The following KCNQ1 variants were observed in gnomAD, a reference collection of about 807,000 sequenced individuals.
KCNQ1 encodes potassium voltage-gated channel subfamily Q member 1, also known as potassium voltage-gated channel subfamily KQT member 1.
KCNQ1 carries 49 observed loss-of-function variants against 72.4 expected under a neutral mutation model. The observed-to-expected ratio is 0.68, with a 90% CI of 0.54 to 0.86. KCNQ1 has a LOEUF of 0.86. Ranked by LOEUF, KCNQ1 falls within the 40% of genes least tolerant of loss-of-function variation. The probability of loss-of-function intolerance (pLI) is 0.00; values close to 1 mark genes in which losing one functional copy is unlikely to be tolerated. For synonymous variants in KCNQ1, 450 were observed against 412.6 expected, an observed-to-expected ratio of 1.09 and a Z score of -1.10; for missense variants, 790 against 945.1, an observed-to-expected ratio of 0.84 and a Z score of 2.15.
Position 2,674,657 on chromosome 11 carries a change from T to C in KCNQ1, c.1514+12576T>C. The C allele has an allele frequency of 2.5e-6, 1 of 398,530 alleles. No homozygotes were observed. The highest frequency in any genetic ancestry group is 4.4e-6 in the Non-Finnish European group (1 of 226,046). 24.7% of individuals were successfully genotyped at this position (398,530 alleles called of 1,614,324 possible). The stretch of plus-strand genomic sequence containing the variant: ...CCTTTGAATTGGAAAGCCAGAACTT[T>C]TTGCAAAATAATTTGAAAAGTTTGT... On this transcript the variant is annotated intron_variant, in intron 11 of 15. Coordinates refer to ENST00000155840, the MANE Select transcript of KCNQ1 (RefSeq NM_000218.3). The surrounding 1 kb of genome is among the most constrained non-coding windows in gnomAD (Gnocchi z 5.9).
intron 11 of KCNQ1, among the ~76,000 whole-genome samples, chr11:2,730,435 C>T (rs1339320618): frequency 6.6e-6 from 1 of 152,200 alleles, no homozygotes; most frequent in African/African-American, 2.4e-5. Flanking sequence ...GCCCCACCTC[C>T]CTTGGCTTGT....
intron 11 of KCNQ1, among the ~76,000 whole-genome samples, chr11:2,705,835 T>A (rs1850902410): frequency 6.6e-6 from 1 of 152,182 alleles, no homozygotes; most frequent in Non-Finnish European, 1.5e-5. Flanking sequence ...CCTGGATCGG[T>A]ATTTGTAGTG....
In KCNQ1 at chr11:2,675,217, A is replaced by G. The variant is rs1314538287; in HGVS notation, c.1514+13136A>G. 1.8e-5 allele frequency: 7 copies of G among 398,502 alleles called. No individual in the cohort carries two copies. The East Asian group carries it at 2.5e-4, about 14-fold the overall frequency. The allele number at this position is 398,502 out of a possible 1,614,324, so 24.7% of individuals were successfully genotyped here. On this transcript the variant is annotated intron_variant, in intron 11 of 15. Coordinates refer to ENST00000155840, the MANE Select transcript of KCNQ1 (RefSeq NM_000218.3). The stretch of plus-strand genomic sequence containing the variant: ...GTCAATATTGTGTCATTTCCCCAGA[A>G]TAGCCAGGGCCAAACCAGCTCCCAA...
rs1846870679 is a variant in KCNQ1 at position 2,493,800 on chromosome 11, CT to C, written c.387-34123del. Among the ~76,000 whole-genome samples the C allele has an allele frequency of 6.6e-6, 1 of 152,116 alleles. No individual in the cohort carries two copies. Among genetic ancestry groups the C allele is most frequent in the Admixed American group, 6.5e-5 (1 of 15,270 alleles). ...GTAGTGTGATGCCTCCAGCTTTGTT[CT>C]TTTTACTTAGGATTGTCTTGGCTAT... On this transcript the variant is annotated intron_variant, in intron 1 of 15. Coordinates refer to ENST00000155840, the MANE Select transcript of KCNQ1 (RefSeq NM_000218.3). This position sits in a 1 kb window ranked among gnomAD's most constrained non-coding sequence, Gnocchi z 5.3.
At position 2,602,862 on chromosome 11, in the gene KCNQ1, G is replaced by A. The variant is rs1003708348; in HGVS notation, c.1393+14008G>A. 2.0e-5 allele frequency among the ~76,000 whole-genome samples: 3 copies of A among 152,098 alleles called. No individual in the cohort carries two copies. The highest frequency in any genetic ancestry group is 7.2e-5 in the African/African-American group (3 of 41,420). The stretch of plus-strand genomic sequence containing the variant: ...AGGGTGCAAATATTTATTCATTGTA[G>A]CTTTCATTGTCATCATCTCAACAGG... On this transcript the variant is annotated intron_variant, in intron 10 of 15. Coordinates refer to ENST00000155840, the MANE Select transcript of KCNQ1 (RefSeq NM_000218.3). The surrounding 1 kb of genome is among the most constrained non-coding windows in gnomAD (Gnocchi z 4.8).
At position 2,494,788 on chromosome 11, in the gene KCNQ1, G is replaced by A. The variant is rs1045150597; in HGVS notation, c.387-33140G>A. ...TGCATCGGTGCTCATCAGGGATATT[G>A]GCCTGAAGTTTTCTTTTTTTGTGTG... On this transcript the variant is annotated intron_variant, in intron 1 of 15. Coordinates refer to ENST00000155840, the MANE Select transcript of KCNQ1 (RefSeq NM_000218.3). This position sits in a 1 kb window ranked among gnomAD's most constrained non-coding sequence, Gnocchi z 4.6. Among the ~76,000 whole-genome samples, 3 of 152,118 alleles carry A rather than the reference G, an allele frequency of 2.0e-5. No homozygotes were observed. Among genetic ancestry groups the A allele is most frequent in the African/African-American group, 7.2e-5 (3 of 41,410 alleles).
intron 11 of KCNQ1, chr11:2,667,330 T>C (rs1196797154): frequency 1.0e-5 from 4 of 398,490 alleles, no homozygotes; most frequent in Non-Finnish European, 1.8e-5. Flanking sequence ...AAGAAAGCAG[T>C]GAGGCTTCTC....
At chr11:2,470,424 T>C (rs1846427992) in intron 1 of KCNQ1, among the ~76,000 whole-genome samples, 1 of 152,098 alleles carries the variant, frequency 6.6e-6, no homozygotes, top group South Asian at 2.1e-4. Context: ...AAGACGTATA[T>C]TGGAGGAAAG....
chr11:2,643,685 T>C, intron 10 of KCNQ1: 1 of 398,560 alleles, frequency 2.5e-6, no homozygotes, highest in South Asian at 1.3e-4. Flanking sequence ...ATTCCTGTCA[T>C]TAATTGATTT....
rs1333072959 is a variant in KCNQ1 at position 2,464,973 on chromosome 11, G to T, written c.386+19489G>T. On this transcript the variant is annotated intron_variant, in intron 1 of 15. Transcript: ENST00000155840. The surrounding 1 kb of genome is among the most constrained non-coding windows in gnomAD (Gnocchi z 5.0). The stretch of plus-strand genomic sequence containing the variant: ...CACTGATGGGCTGGTCCAGTGCAGG[G>T]AGCTGCCCCGGCCGCCCCCGTGGGT... Among the ~76,000 whole-genome samples, 2 of 152,090 alleles carry T rather than the reference G, an allele frequency of 1.3e-5. No individual in the cohort carries two copies. Among genetic ancestry groups the T allele is most frequent in the Non-Finnish European group, 2.9e-5 (2 of 68,012 alleles).
At chr11:2,840,386 A>G (rs1848182682) in intron 15 of KCNQ1, 1 of 152,210 alleles carries the variant, frequency 6.6e-6, no homozygotes, top group Non-Finnish European at 1.5e-5. Context: ...AGGACATTCT[A>G]ATCCAGTGGG....
Position 2,543,762 on chromosome 11 carries a change from G to A in KCNQ1, c.477+15744G>A, listed in dbSNP as rs1427461406. ...CCTTTAGGCCTAGGATGCATTTTGAGTTAATTTTTCTCTATCATGTAAGAC... is the reference window on the plus strand; with the variant it reads ...CCTTTAGGCCTAGGATGCATTTTGAATTAATTTTTCTCTATCATGTAAGAC... On this transcript the variant is annotated intron_variant, in intron 2 of 15. Transcript: ENST00000155840. This position sits in a 1 kb window ranked among gnomAD's most constrained non-coding sequence, Gnocchi z 5.6. Among the ~76,000 whole-genome samples, 1 of 152,136 alleles carries A rather than the reference G, an allele frequency of 6.6e-6. No individual in the cohort carries two copies. The highest frequency in any genetic ancestry group is 2.4e-5 in the African/African-American group (1 of 41,418).
intron 1 of KCNQ1, among the ~76,000 whole-genome samples, chr11:2,449,360 ACGTGCGGGCTG>A (rs1846091428): frequency 6.6e-6 from 1 of 152,118 alleles, no homozygotes; most frequent in East Asian, 1.9e-4. Context: ...TTTGCATATA[ACGTGCGGGCTG>A]CGTTGTGTCA....
chr11:2,508,291 C>T lies in KCNQ1; in HGVS notation c.387-19637C>T, dbSNP rs1164613486. Among the ~76,000 whole-genome samples, 1 of 152,322 alleles carries T rather than the reference C, an allele frequency of 6.6e-6. No homozygotes were observed. Among genetic ancestry groups the T allele is most frequent in the East Asian group, 1.9e-4 (1 of 5,164 alleles). ...GACCATACTGGCTTGTCTGACTTGCCGTTACCCGGCGGAGATATGTCTTGG... is the reference window on the plus strand; with the variant it reads ...GACCATACTGGCTTGTCTGACTTGCTGTTACCCGGCGGAGATATGTCTTGG... On this transcript the variant is annotated intron_variant, in intron 1 of 15. Coordinates refer to ENST00000155840, the MANE Select transcript of KCNQ1 (RefSeq NM_000218.3). This position sits in a 1 kb window ranked among gnomAD's most constrained non-coding sequence, Gnocchi z 6.2.
chr11:2,831,321 C>T (rs1162974280), intron 15 of KCNQ1, among the ~76,000 whole-genome samples: 1 of 152,176 alleles, frequency 6.6e-6, no homozygotes, highest in African/African-American at 2.4e-5. Context: ...TGCCCTACAC[C>T]ATCAGGGGGT....
intron 2 of KCNQ1, among the ~76,000 whole-genome samples, chr11:2,555,089 C>G (rs369183334): frequency 1.2e-4 from 19 of 152,238 alleles, no homozygotes; most frequent in African/African-American, 4.6e-4. Context: ...CCCTGAAGGG[C>G]CGGTGTGGGT....
chr11:2,572,209 G>A (rs573360167), intron 5 of KCNQ1, 100 bp downstream of exon 5: 4 of 848,162 alleles, frequency 4.7e-6, no homozygotes, highest in South Asian at 1.5e-5. Context: ...CTGAGGCCCC[G>A]GGGGCCGGTG....
rs1301374663 is a variant in KCNQ1 at position 2,571,315 on chromosome 11, C to T, written c.605-10C>T. ...ATCACGAAAAGCTCCCCCTCTCCTG[C>T]ACTCCACAGACCTCATCGTGGTCGT... On this transcript the variant is annotated splice_polypyrimidine_tract_variant and intron_variant, in intron 3 of 15. Transcript: ENST00000155840. 10 of 1,611,582 alleles carry T rather than the reference C, an allele frequency of 6.2e-6. No individual in the cohort carries two copies. The African/African-American group carries it at 1.1e-4, about 17-fold the overall frequency.
At chr11:2,628,742 A>G (rs1849302552) in intron 10 of KCNQ1, 1 of 398,326 alleles carries the variant, frequency 2.5e-6, no homozygotes, top group Non-Finnish European at 4.4e-6. Context: ...TCCCTGTTTT[A>G]TAGGTTTTAT....
Sources: allele counts gnomAD v4.1 joint callset (sites outside exome capture counted in the v4.1 genomes callset), GRCh38; gene constraint gnomAD v4.1.1; non-coding constraint Gnocchi (gnomAD v3.1); transcripts MANE v1.5; gene names NCBI Gene and HGNC (gene_info 2026-07-23, HGNC 2026-07-21).